The following CELF2 variants were observed in gnomAD, a reference collection of about 807,000 sequenced individuals.
The protein encoded by CELF2 is CUGBP Elav-like family member 2, also known as CUG triplet repeat RNA-binding protein 2.
CELF2 carries 8 observed loss-of-function variants against 62.6 expected under a neutral mutation model. The observed-to-expected ratio is 0.13, with a 90% CI of 0.07 to 0.23. CELF2 has a LOEUF of 0.23. Ranked by LOEUF, CELF2 falls within the 10% of genes least tolerant of loss-of-function variation. The pLI, the probability that CELF2 is intolerant of heterozygous loss-of-function variation, is 1.00. For missense variants in CELF2, 333 were observed against 671.0 expected (o/e 0.50, Z 5.56); for synonymous variants, 258 against 250.0 (o/e 1.03, Z -0.30).
the CELF2 span, among the ~76,000 whole-genome samples, chr10:10,549,967 T>C: frequency 6.6e-6 from 1 of 152,182 alleles, no homozygotes; most frequent in Admixed American, 6.5e-5. Context: ...GGATTTGTCA[T>C]GGAAGAACTT....
Position 11,324,841 on chromosome 10 carries a change from T to A in CELF2, c.1295-995T>A, listed in dbSNP as rs973705210. On this transcript the variant is annotated intron_variant, in intron 11 of 12. Transcript: ENST00000633077. This position sits in a 1 kb window ranked among gnomAD's most constrained non-coding sequence, Gnocchi z 4.7. Reference sequence around the variant, plus strand: ...AGTTGGGCAGGCAGGCCTGTTCCTCTCCTGTGAAGGCCAGTTGAGGATTCC... The same window carrying A: ...AGTTGGGCAGGCAGGCCTGTTCCTCACCTGTGAAGGCCAGTTGAGGATTCC... Among the ~76,000 whole-genome samples the A allele has an allele frequency of 6.6e-6, 1 of 152,128 alleles. No individual in the cohort carries two copies. Among genetic ancestry groups the A allele is most frequent in the African/African-American group, 2.4e-5 (1 of 41,406 alleles).
the CELF2 span, among the ~76,000 whole-genome samples, chr10:10,675,875 T>A: frequency 2.0e-5 from 3 of 152,236 alleles, no homozygotes; most frequent in Non-Finnish European, 4.4e-5. Flanking sequence ...CTATCTACTT[T>A]CTTACATAGA....
the CELF2 span, among the ~76,000 whole-genome samples, chr10:10,611,761 C>A: frequency 1.3e-5 from 2 of 152,178 alleles, no homozygotes; most frequent in African/African-American, 2.4e-5. Context: ...TATGGATAGG[C>A]AGACAGATAG....
chr10:11,323,555 G>A (rs989327511), intron 11 of CELF2, among the ~76,000 whole-genome samples: 10 of 152,112 alleles, frequency 6.6e-5, no homozygotes, highest in Admixed American at 2.0e-4. Flanking sequence ...CTGATGGCCC[G>A]CCTCTGTCCA....
At chr10:10,778,254 C>T in the CELF2 span, among the ~76,000 whole-genome samples, 2 of 152,194 alleles carry the variant, frequency 1.3e-5, no homozygotes, top group Non-Finnish European at 2.9e-5. Context: ...ACCTTTACAA[C>T]CTGGAGGGGC....
chr10:10,873,855 T>C (rs2060915576), intron 1 of CELF2, among the ~76,000 whole-genome samples: 1 of 152,112 alleles, frequency 6.6e-6, no homozygotes, highest in Admixed American at 6.5e-5. Context: ...TCTGGGGGTG[T>C]GGAGGAAACA....
At chr10:10,536,829 C>A in the CELF2 span, among the ~76,000 whole-genome samples, 1 of 152,126 alleles carries the variant, frequency 6.6e-6, no homozygotes, top group African/African-American at 2.4e-5. Context: ...TGAAGCAGCT[C>A]GGGCTGGAGG....
intron 1 of CELF2, among the ~76,000 whole-genome samples, chr10:11,066,942 G>C (rs1291850): frequency 0.11 from 16,525 of 152,160 alleles, 1,120 homozygotes; most frequent in African/African-American, 0.19. Flanking sequence ...GTCAGGGTGA[G>C]ACTGTGCTTG....
At chr10:10,772,777 C>T in the CELF2 span, among the ~76,000 whole-genome samples, 1 of 152,070 alleles carries the variant, frequency 6.6e-6, no homozygotes, top group Admixed American at 6.5e-5. Flanking sequence ...AGGAAGCCTC[C>T]CATATGGGTA....
chr10:10,695,626 A>C, the CELF2 span, among the ~76,000 whole-genome samples: 633 of 150,924 alleles, frequency 4.2e-3, 1 homozygote, highest in African/African-American at 5.5e-3. Context: ...CCATTCTCCC[A>C]ATCACTTTCA....
the CELF2 span, among the ~76,000 whole-genome samples, chr10:10,663,691 C>T: frequency 6.6e-6 from 1 of 152,162 alleles, no homozygotes. Flanking sequence ...CATGTTAAGG[C>T]TGACTTTTTG....
chr10:11,197,070 G>GGAAAGAAAGGAAAGAAAGGAAA lies in CELF2; in HGVS notation c.272-20346_272-20345insGAAAGAAAGGAAAGAAAGAAAG, dbSNP rs2058114958. Among the ~76,000 whole-genome samples the GGAAAGAAAGGAAAGAAAGGAAA allele has an allele frequency of 1.5e-4, 12 of 78,142 alleles. 1 individual carries two copies. The highest frequency in any genetic ancestry group is 6.0e-4 in the South Asian group (1 of 1,668). 51.3% of individuals were successfully genotyped at this position (78,142 alleles called of 152,430 possible). A position where few individuals can be genotyped will look rare whatever the true frequency, so the allele number is the denominator to read the frequency against. ...GAAAGAAAGAAAGAAAAGAAAGAAAGGAAAGAAAGAAAGAAGAAAGAAAGA... is the reference window on the plus strand; with the variant it reads ...GAAAGAAAGAAAGAAAAGAAAGAAAGGAAAGAAAGGAAAGAAAGGAAAGAAAGAAAGAAAGAAGAAAGAAAGA... On this transcript the variant is annotated intron_variant, in intron 2 of 12. Coordinates refer to ENST00000633077, the MANE Select transcript of CELF2 (RefSeq NM_001326342.2).
At chr10:11,163,896 A>G (rs1198230363) in intron 1 of CELF2, among the ~76,000 whole-genome samples, 3 of 152,240 alleles carry the variant, frequency 2.0e-5, no homozygotes, top group Non-Finnish European at 4.4e-5. Flanking sequence ...TCCTAGACCC[A>G]CAGCAGATTT....
intron 1 of CELF2, among the ~76,000 whole-genome samples, chr10:10,863,482 G>C (rs976827139): frequency 6.6e-6 from 1 of 152,194 alleles, no homozygotes; most frequent in Non-Finnish European, 1.5e-5. Flanking sequence ...CTTGGGCAAA[G>C]TTAGCAGATC....
chr10:10,841,558 T>A (rs998195334), intron 1 of CELF2, among the ~76,000 whole-genome samples: 21 of 151,614 alleles, frequency 1.4e-4, no homozygotes, highest in African/African-American at 4.6e-4. Context: ...TTTTTTTTTT[T>A]AATCTATGGC....
At chr10:10,605,218 C>A in the CELF2 span, among the ~76,000 whole-genome samples, 6 of 150,212 alleles carry the variant, frequency 4.0e-5, no homozygotes, top group African/African-American at 1.5e-4. Context: ...GGGAGCTGAA[C>A]AATGAGAACA....
At chr10:10,712,912 A>T in the CELF2 span, among the ~76,000 whole-genome samples, 1 of 152,198 alleles carries the variant, frequency 6.6e-6, no homozygotes, top group Non-Finnish European at 1.5e-5. Context: ...CAACAAAGCA[A>T]TCTTTCAAAA....
At chr10:10,721,765 G>A in the CELF2 span, among the ~76,000 whole-genome samples, 11 of 152,180 alleles carry the variant, frequency 7.2e-5, no homozygotes, top group Middle Eastern at 3.4e-3. Context: ...CAGCACATTG[G>A]GGGTCTATAG....
At chr10:11,273,829 C>G (rs1015747783) in intron 7 of CELF2, among the ~76,000 whole-genome samples, 2 of 152,014 alleles carry the variant, frequency 1.3e-5, no homozygotes, top group Non-Finnish European at 2.9e-5. Flanking sequence ...TCAAGCAATT[C>G]TCATGCCTCA....
Sources: allele counts gnomAD v4.1 joint callset (sites outside exome capture counted in the v4.1 genomes callset), GRCh38; gene constraint gnomAD v4.1.1; non-coding constraint Gnocchi (gnomAD v3.1); transcripts MANE v1.5; gene names NCBI Gene and HGNC (gene_info 2026-07-23, HGNC 2026-07-21).